TRMT11: variants seen among roughly 807,000 people sequenced by gnomAD.
The protein encoded by TRMT11 is tRNA methyltransferase 11.
A neutral mutation model predicts 62.8 loss-of-function variants in TRMT11; 53 were observed. The ratio of observed to expected loss-of-function variants is 0.84; its 90% CI spans 0.68 to 1.06. The LOEUF is 1.06. TRMT11 is among the 50% of genes least tolerant of loss of function. TRMT11 has a pLI of 0.00. For synonymous variants in TRMT11, 188 were observed against 190.3 expected, an observed-to-expected ratio of 0.99 and a Z score of 0.10; for missense variants, 556 against 553.4, an observed-to-expected ratio of 1.00 and a Z score of -0.05.
chr6:126,004,134 A>G (rs1388400844), intron 7 of TRMT11, among the ~76,000 whole-genome samples: 2 of 152,076 alleles, frequency 1.3e-5, no homozygotes, highest in Non-Finnish European at 2.9e-5. Context: ...TGATTAATAT[A>G]TATACATACA....
chr6:126,210,715 A>G, the TRMT11 span, among the ~76,000 whole-genome samples: 54 of 152,312 alleles, frequency 3.5e-4, no homozygotes, highest in African/African-American at 1.2e-3. Context: ...CTCAATTGCA[A>G]TGTGTTCAAA....
At chr6:126,004,039 C>G (rs922087933) in intron 7 of TRMT11, among the ~76,000 whole-genome samples, 19 of 152,108 alleles carry the variant, frequency 1.2e-4, no homozygotes, top group African/African-American at 4.6e-4. Context: ...AATGCTAAAG[C>G]TTTTATTCTT....
rs895787835 is a variant in TRMT11 at position 125,998,961 on chromosome 6, T to G, written c.522+277T>G. On this transcript the variant is annotated intron_variant, in intron 6 of 12. Coordinates refer to ENST00000334379, the MANE Select transcript of TRMT11 (RefSeq NM_001031712.3). ...GAACATCTGGACTGTTTTTTTTTTT[T>G]TTGTTTGTTTCTTTTTTTTTATAAA... is the stretch of plus-strand genomic sequence containing the variant. Among the ~76,000 whole-genome samples, 47 of 151,526 alleles carry G rather than the reference T, an allele frequency of 3.1e-4. 1 individual carries two copies. Among genetic ancestry groups the G allele is most frequent in the Non-Finnish European group, 5.2e-4 (35 of 67,950 alleles).
intron 21 of TRMT11, among the ~76,000 whole-genome samples, chr6:126,121,503 A>G (rs530591558): frequency 2.0e-5 from 3 of 152,258 alleles, no homozygotes; most frequent in African/African-American, 4.8e-5. Flanking sequence ...TTCGTGTTAG[A>G]AAGAACTGGG....
intron 1 of TRMT11, among the ~76,000 whole-genome samples, chr6:126,190,155 C>A (rs1371653942): frequency 6.6e-6 from 1 of 152,090 alleles, no homozygotes; most frequent in East Asian, 1.9e-4. Context: ...TTTGTTTTTT[C>A]TAACTGCGTT....
At chr6:126,258,332 G>A in the TRMT11 span, 42 of 389,146 alleles carry the variant, frequency 1.1e-4, no homozygotes, top group East Asian at 4.5e-4. Flanking sequence ...CAGGGCCGCC[G>A]TCTGCCATGG....
At chr6:126,094,141 C>G (rs1312304680) in intron 17 of TRMT11, among the ~76,000 whole-genome samples, 1 of 151,976 alleles carries the variant, frequency 6.6e-6, no homozygotes, top group Non-Finnish European at 1.5e-5. Context: ...CATCTTATTG[C>G]TGTTGGCTCT....
intron 17 of TRMT11, among the ~76,000 whole-genome samples, chr6:126,108,756 A>G (rs1304156190): frequency 6.6e-6 from 1 of 152,216 alleles, no homozygotes; most frequent in Admixed American, 6.5e-5. Context: ...GATGGACAGC[A>G]TGACATTCTA....
chr6:126,002,676 T>C (rs1008949264), intron 7 of TRMT11, among the ~76,000 whole-genome samples: 1 of 152,112 alleles, frequency 6.6e-6, no homozygotes, highest in African/African-American at 2.4e-5. Context: ...TTTTCAAATA[T>C]GTATAAGATG....
At chr6:126,108,612 ACT>A (rs1777491646) in intron 17 of TRMT11, among the ~76,000 whole-genome samples, 1 of 152,044 alleles carries the variant, frequency 6.6e-6, no homozygotes, top group Admixed American at 6.6e-5. Flanking sequence ...CCAACAATCC[ACT>A]CTTCACTGAG....
chr6:126,116,312 G>A (rs776325864), intron 21 of TRMT11, among the ~76,000 whole-genome samples: 4 of 152,014 alleles, frequency 2.6e-5, no homozygotes, highest in South Asian at 2.1e-4. Context: ...GGAGGAAAGC[G>A]CACTGGATAC....
At chr6:126,138,417 T>G (rs949839734) in intron 21 of TRMT11, among the ~76,000 whole-genome samples, 10 of 152,022 alleles carry the variant, frequency 6.6e-5, no homozygotes, top group Non-Finnish European at 1.3e-4. Flanking sequence ...ATGAGTTTGA[T>G]AGGGCAGTTC....
At chr6:126,194,939 A>T (rs894659427) in intron 1 of TRMT11, among the ~76,000 whole-genome samples, 2 of 152,070 alleles carry the variant, frequency 1.3e-5, no homozygotes, top group Non-Finnish European at 2.9e-5. Flanking sequence ...ACATAGTGAG[A>T]CCCTATCTCT....
chr6:126,198,039 C>T lies in TRMT11; in HGVS notation n.144-760C>T, dbSNP rs184381756. ...CTGGAGTGGAAAGAATGAATGTAGTCTTTGAAACAGCTTAATAAAGTAGAA... is the reference window on the plus strand; with the variant it reads ...CTGGAGTGGAAAGAATGAATGTAGTTTTTGAAACAGCTTAATAAAGTAGAA... On this transcript the variant is annotated intron_variant and non_coding_transcript_variant, in intron 1 of 3. Transcript: ENST00000444229. 2.0e-5 allele frequency among the ~76,000 whole-genome samples: 3 copies of T among 152,198 alleles called. No individual in the cohort carries two copies. In the East Asian group the frequency reaches 5.8e-4, roughly 29 times the overall value.
chr6:126,180,947 C>A (rs1224477863), intron 1 of TRMT11, among the ~76,000 whole-genome samples: 1 of 152,158 alleles, frequency 6.6e-6, no homozygotes, highest in African/African-American at 2.4e-5. Context: ...AATTTTAAAA[C>A]AAATTATATT....
At chr6:126,164,407 T>G (rs1360993404) in intron 21 of TRMT11, among the ~76,000 whole-genome samples, 1 of 152,218 alleles carries the variant, frequency 6.6e-6, no homozygotes, top group East Asian at 1.9e-4. Context: ...ATGTGGTCAG[T>G]TTTAGAATAA....
At chr6:126,166,021 T>C (rs1778257369) in intron 21 of TRMT11, among the ~76,000 whole-genome samples, 2 of 152,212 alleles carry the variant, frequency 1.3e-5, no homozygotes, top group African/African-American at 4.8e-5. Flanking sequence ...TCATGCTTTA[T>C]TTCATTAAGT....
chr6:126,022,967 T>G (rs540813802), intron 12 of TRMT11, among the ~76,000 whole-genome samples: 16 of 152,230 alleles, frequency 1.1e-4, no homozygotes, highest in Non-Finnish European at 2.2e-4. Flanking sequence ...TTTTTCAGCA[T>G]GTTCTTGAAA....
chr6:126,256,954 C>G, the TRMT11 span, among the ~76,000 whole-genome samples: 1 of 152,024 alleles, frequency 6.6e-6, no homozygotes, highest in African/African-American at 2.4e-5. Flanking sequence ...GGTGCAATCT[C>G]GGTTCACTGC....
Sources: gnomAD v4.1 joint callset for allele counts (sites outside exome capture counted in the v4.1 genomes callset) on GRCh38, gnomAD v4.1.1 for gene constraint, MANE v1.5 for transcripts, NCBI Gene and HGNC (gene_info 2026-07-23, HGNC 2026-07-21) for gene names.